The following NKAIN2 variants were observed in gnomAD, a reference collection of about 807,000 sequenced individuals.
NKAIN2 encodes sodium/potassium-transporting ATPase subunit beta-1-interacting protein 2.
Under a neutral mutation model 32.6 loss-of-function variants are expected in NKAIN2, and 14 were observed. That is an observed-to-expected ratio of 0.43 (90% CI 0.28 to 0.67). The LOEUF (loss-of-function observed/expected upper bound fraction) is 0.67, where lower values mean the gene tolerates loss of function less well. NKAIN2 is among the 30% of genes least tolerant of loss of function. NKAIN2 has a pLI of 0.17. For synonymous variants in NKAIN2, 80 were observed against 87.2 expected, an observed-to-expected ratio of 0.92 and a Z score of 0.46; for missense variants, 198 against 258.3, an observed-to-expected ratio of 0.77 and a Z score of 1.60.
chr6:124,455,059 T>C (rs140603248), intron 3 of NKAIN2, among the ~76,000 whole-genome samples: 14 of 152,198 alleles, frequency 9.2e-5, no homozygotes, highest in African/African-American at 3.1e-4. Context: ...CAAACATGCA[T>C]GATCATCTTA....
At chr6:124,525,013 T>C (rs1213212229) in intron 3 of NKAIN2, among the ~76,000 whole-genome samples, 1 of 152,166 alleles carries the variant, frequency 6.6e-6, no homozygotes, top group African/African-American at 2.4e-5. Flanking sequence ...ACTGGGAAGA[T>C]AAGAACTGCA....
chr6:124,301,025 G>T (rs1035007923), intron 2 of NKAIN2, among the ~76,000 whole-genome samples: 5 of 152,092 alleles, frequency 3.3e-5, no homozygotes, highest in African/African-American at 1.2e-4. Context: ...ATGTCTCCAG[G>T]GCATGTCAGA....
At chr6:124,436,792 C>T (rs561591090) in intron 3 of NKAIN2, among the ~76,000 whole-genome samples, 58 of 152,266 alleles carry the variant, frequency 3.8e-4, no homozygotes, top group African/African-American at 1.4e-3. Context: ...AATGCAGGTT[C>T]TTTGAAAGTT....
At chr6:124,302,457 G>A (rs1337738297) in intron 2 of NKAIN2, among the ~76,000 whole-genome samples, 3 of 152,074 alleles carry the variant, frequency 2.0e-5, no homozygotes, top group Non-Finnish European at 2.9e-5. Flanking sequence ...TCATTCCTCA[G>A]TTATAATATT....
Position 124,344,528 on chromosome 6 carries a change from T to C in NKAIN2, c.193-10739T>C, listed in dbSNP as rs1162870451. Among the ~76,000 whole-genome samples the C allele has an allele frequency of 6.6e-5, 10 of 151,692 alleles. No homozygotes were observed. The East Asian group carries it at 1.9e-3, about 29-fold the overall frequency. ...TTCATTGAGCAGTGGTTTTTAGTTCTCCTTGAAGAGGTCCTTCACGTCCCT... is the reference window on the plus strand; with the variant it reads ...TTCATTGAGCAGTGGTTTTTAGTTCCCCTTGAAGAGGTCCTTCACGTCCCT... On this transcript the variant is annotated intron_variant, in intron 2 of 6. Coordinates refer to ENST00000368417, the MANE Select transcript of NKAIN2 (RefSeq NM_001040214.3).
intron 1 of NKAIN2, among the ~76,000 whole-genome samples, chr6:123,866,441 TC>T (rs1772516709): frequency 1.3e-5 from 2 of 152,274 alleles, no homozygotes; most frequent in South Asian, 4.2e-4. Context: ...CTTTTTTTTT[TC>T]TTTTTTGAGA....
rs376302816 is a variant in NKAIN2, at chr6:124,123,548, C to T, written c.55-159457C>T. ...TTTTTGCATAGATGTGCATTTGTTG[C>T]GCATTCATAGCAATATCTAAGACTG... On this transcript the variant is annotated intron_variant, in intron 1 of 6. Coordinates refer to ENST00000368417, the MANE Select transcript of NKAIN2 (RefSeq NM_001040214.3). Among the ~76,000 whole-genome samples, 186 of 151,934 alleles carry T rather than the reference C, an allele frequency of 1.2e-3. 5 individuals carry two copies. In the South Asian group the frequency reaches 0.037, roughly 31 times the overall value.
chr6:124,769,439 C>A (rs1778653232), intron 4 of NKAIN2, among the ~76,000 whole-genome samples: 1 of 152,042 alleles, frequency 6.6e-6, no homozygotes. Flanking sequence ...TTCTGTAGTT[C>A]CTCCTATTAA....
At chr6:124,687,308 A>AAT (rs999368060) in intron 4 of NKAIN2, among the ~76,000 whole-genome samples, 9 of 142,290 alleles carry the variant, frequency 6.3e-5, no homozygotes, top group African/African-American at 2.3e-4. Flanking sequence ...ATATATAGAG[A>AAT]ATATATATGT....
chr6:124,687,585 A>T (rs112503375), intron 4 of NKAIN2, among the ~76,000 whole-genome samples: 16 of 94 alleles, frequency 0.17, 1 homozygote, highest in African/African-American at 0.37. Flanking sequence ...TATATTTATA[A>T]TATAAATATA....
At chr6:124,621,024 C>T (rs927471316) in intron 3 of NKAIN2, among the ~76,000 whole-genome samples, 15 of 152,166 alleles carry the variant, frequency 9.9e-5, no homozygotes, top group Non-Finnish European at 2.1e-4. Context: ...TAGTCCTAAA[C>T]AGTGATTCTC....
chr6:124,806,134 G>A (rs1249239695), intron 5 of NKAIN2, among the ~76,000 whole-genome samples: 1 of 152,074 alleles, frequency 6.6e-6, no homozygotes, highest in Admixed American at 6.5e-5. Context: ...AGGAAATACA[G>A]AGAACACCAC....
chr6:123,908,558 G>A (rs1775006289), intron 1 of NKAIN2, among the ~76,000 whole-genome samples: 1 of 152,166 alleles, frequency 6.6e-6, no homozygotes, highest in African/African-American at 2.4e-5. Flanking sequence ...TTAGTTACAA[G>A]TAGTGAATGT....
intron 3 of NKAIN2, among the ~76,000 whole-genome samples, chr6:124,497,904 T>C (rs1461854573): frequency 1.3e-5 from 2 of 149,588 alleles, no homozygotes; most frequent in Non-Finnish European, 3.0e-5. Flanking sequence ...TTCTTCAAAG[T>C]GTTTCATTCT....
chr6:124,118,913 A>G (rs1362057200), intron 1 of NKAIN2, among the ~76,000 whole-genome samples: 1 of 152,182 alleles, frequency 6.6e-6, no homozygotes, highest in African/African-American at 2.4e-5. Flanking sequence ...GGGTGTACCA[A>G]TAAAACTTTA....
chr6:124,625,673 A>C (rs1432980140), intron 3 of NKAIN2, among the ~76,000 whole-genome samples: 1 of 151,084 alleles, frequency 6.6e-6, no homozygotes, highest in African/African-American at 2.4e-5. Flanking sequence ...AGTTATTTTC[A>C]TGAGCACCTA....
At chr6:124,296,235 T>C (rs965628884) in intron 2 of NKAIN2, among the ~76,000 whole-genome samples, 2 of 152,068 alleles carry the variant, frequency 1.3e-5, no homozygotes, top group African/African-American at 4.8e-5. Context: ...CTTTGAGTTA[T>C]AATAGGATAT....
In NKAIN2 at chr6:124,574,354, A is replaced by C. The variant is rs573183997; in HGVS notation, c.274-83832A>C. On this transcript the variant is annotated intron_variant, in intron 3 of 6. Transcript: ENST00000368417. ...CCAGTGAGGTTGGGCACAGTGGCTC[A>C]CACCTGTAATCCCAGCTCTTTGGGA... Among the ~76,000 whole-genome samples, 38 of 152,168 alleles carry C rather than the reference A, an allele frequency of 2.5e-4. No individual in the cohort carries two copies. In the South Asian group the frequency reaches 7.5e-3, roughly 30 times the overall value.
chr6:123,886,347 A>G (rs1773711984), intron 1 of NKAIN2, among the ~76,000 whole-genome samples: 1 of 152,110 alleles, frequency 6.6e-6, no homozygotes. Flanking sequence ...ATGATGGCAT[A>G]TTTTGCAGGC....
Sources: gnomAD v4.1 joint callset for allele counts (sites outside exome capture counted in the v4.1 genomes callset) on GRCh38, gnomAD v4.1.1 for gene constraint, MANE v1.5 for transcripts, NCBI Gene and HGNC (gene_info 2026-07-23, HGNC 2026-07-21) for gene names.